Variants in EFNA5 observed in about 807,000 individuals in gnomAD.
EFNA5 encodes ephrin A5, also known as ephrin-A5.
EFNA5 carries 5 observed loss-of-function variants against 22.9 expected under a neutral mutation model. That is an observed-to-expected ratio of 0.22 (90% CI 0.11 to 0.46). EFNA5 has a LOEUF of 0.46. EFNA5 is among the 20% of genes least tolerant of loss of function. The pLI is 0.99. For synonymous variants in EFNA5, 113 were observed against 112.2 expected, an observed-to-expected ratio of 1.01 and a Z score of -0.04; for missense variants, 237 against 293.3, an observed-to-expected ratio of 0.81 and a Z score of 1.40.
chr5:107,643,233 T>TG (rs1392181164), intron 1 of EFNA5, among the ~76,000 whole-genome samples: 1 of 151,992 alleles, frequency 6.6e-6, no homozygotes, highest in Non-Finnish European at 1.5e-5. Flanking sequence ...TGTGCAGGGG[T>TG]GGGGGTCCCA....
chr5:107,564,581 T>C (rs1020442110), intron 1 of EFNA5, among the ~76,000 whole-genome samples: 7 of 151,828 alleles, frequency 4.6e-5, no homozygotes, highest in Non-Finnish European at 1.0e-4. Context: ...GAAGAAGAAA[T>C]GGCTGAAACC....
chr5:107,582,325 C>T (rs1749088642), intron 1 of EFNA5, among the ~76,000 whole-genome samples: 2 of 152,100 alleles, frequency 1.3e-5, no homozygotes, highest in Admixed American at 1.3e-4. Context: ...ATGAATTGTT[C>T]CACATATCTA....
chr5:107,454,026 T>G (rs1451836018), intron 1 of EFNA5, among the ~76,000 whole-genome samples: 1 of 152,084 alleles, frequency 6.6e-6, no homozygotes, highest in Non-Finnish European at 1.5e-5. Flanking sequence ...AACCCACTCT[T>G]AAAACATTAA....
chr5:107,440,752 T>G (rs1258366882), intron 1 of EFNA5, among the ~76,000 whole-genome samples: 3 of 152,130 alleles, frequency 2.0e-5, no homozygotes, highest in Non-Finnish European at 4.4e-5. Context: ...GGTCACAAAC[T>G]CAGTGTTGAT....
At chr5:107,494,787 G>A (rs1580493477) in intron 1 of EFNA5, among the ~76,000 whole-genome samples, 1 of 151,532 alleles carries the variant, frequency 6.6e-6, no homozygotes, top group African/African-American at 2.4e-5. Context: ...CTCAGGAATT[G>A]TAAATACACC....
chr5:107,450,354 A>G (rs550962872), intron 1 of EFNA5, among the ~76,000 whole-genome samples: 7 of 152,156 alleles, frequency 4.6e-5, no homozygotes, highest in Non-Finnish European at 1.0e-4. Flanking sequence ...CCTCATTGTG[A>G]CAAGATTTAA....
At chr5:107,541,396 G>A (rs1233327524) in intron 1 of EFNA5, among the ~76,000 whole-genome samples, 1 of 152,102 alleles carries the variant, frequency 6.6e-6, no homozygotes, top group Non-Finnish European at 1.5e-5. Context: ...TGTTACACAT[G>A]ATAAATGTTA....
chr5:107,660,846 C>G (rs753448909), intron 1 of EFNA5, among the ~76,000 whole-genome samples: 4 of 152,022 alleles, frequency 2.6e-5, no homozygotes, highest in South Asian at 2.1e-4. Context: ...GACACAAAAC[C>G]CTGTCAGAAG....
At chr5:107,590,074 A>G (rs1434699118) in intron 1 of EFNA5, among the ~76,000 whole-genome samples, 2 of 144,296 alleles carry the variant, frequency 1.4e-5, no homozygotes, top group Admixed American at 6.9e-5. Flanking sequence ...TGATTTGGAT[A>G]GACAAATCAT....
At chr5:107,409,355 G>A (rs924816994) in intron 2 of EFNA5, among the ~76,000 whole-genome samples, 1 of 152,294 alleles carries the variant, frequency 6.6e-6, no homozygotes, top group South Asian at 2.1e-4. Flanking sequence ...CAAACATTAA[G>A]CCTGTGAGAG....
intron 1 of EFNA5, among the ~76,000 whole-genome samples, chr5:107,470,120 TCA>T (rs993366579): frequency 3.8e-4 from 58 of 152,282 alleles, no homozygotes; most frequent in African/African-American, 1.4e-3. Context: ...GCTCTGAAAC[TCA>T]CATACACACC....
chr5:107,402,944 C>T (rs756448171), intron 2 of EFNA5, among the ~76,000 whole-genome samples: 3 of 152,178 alleles, frequency 2.0e-5, no homozygotes, highest in African/African-American at 4.8e-5. Context: ...GATACGTAGG[C>T]TACTGCAAAT....
chr5:107,577,659 A>T (rs969254986), intron 1 of EFNA5, among the ~76,000 whole-genome samples: 1 of 152,166 alleles, frequency 6.6e-6, no homozygotes, highest in Non-Finnish European at 1.5e-5. Context: ...AAAGGGTCTT[A>T]TTGTAAACTC....
At chr5:107,423,112 T>C (rs1748714846) in intron 2 of EFNA5, among the ~76,000 whole-genome samples, 2 of 152,192 alleles carry the variant, frequency 1.3e-5, no homozygotes, top group East Asian at 1.9e-4. Flanking sequence ...AAGTCAATTA[T>C]AATTACATTA....
chr5:107,537,492 G>A (rs1747953066), intron 1 of EFNA5, among the ~76,000 whole-genome samples: 1 of 152,142 alleles, frequency 6.6e-6, no homozygotes. Flanking sequence ...CCAGCTACTT[G>A]GGAAGCTGAG....
chr5:107,390,940 C>T (rs987166480), intron 2 of EFNA5, among the ~76,000 whole-genome samples: 4 of 152,162 alleles, frequency 2.6e-5, no homozygotes, highest in Non-Finnish European at 5.9e-5. Flanking sequence ...GGATGGATCA[C>T]TTAAGGCCAG....
chr5:107,578,326 A>G (rs641406), intron 1 of EFNA5, among the ~76,000 whole-genome samples: 71,043 of 151,966 alleles, frequency 0.47, 17,564 homozygotes, highest in African/African-American at 0.58. Flanking sequence ...GTAACTACAA[A>G]TTTCATTTTG....
intron 1 of EFNA5, among the ~76,000 whole-genome samples, chr5:107,486,482 T>C (rs1746625342): frequency 6.6e-6 from 1 of 152,234 alleles, no homozygotes; most frequent in Non-Finnish European, 1.5e-5. Context: ...GGGTAACTTA[T>C]GGAAATCCTG....
At position 107,379,158 on chromosome 5, in the gene EFNA5, G is replaced by A. The variant is rs1561360091; in HGVS notation, c.*2097C>T. ...GAGTTCCTTATGTCAGAGGGGAATA[G>A]GATTGATTGTATCTGTGAGGCTGGC... On this transcript the variant is annotated 3_prime_UTR_variant, in exon 5 of 5. Coordinates refer to ENST00000333274, the MANE Select transcript of EFNA5 (RefSeq NM_001962.3). 1.3e-5 allele frequency: 2 copies of A among 152,136 alleles called. No individual in the cohort carries two copies. The highest frequency in any genetic ancestry group is 2.1e-4 in the South Asian group (1 of 4,830). 9.4% of individuals were successfully genotyped at this position (152,136 alleles called of 1,614,324 possible).
Sources: allele counts gnomAD v4.1 joint callset (sites outside exome capture counted in the v4.1 genomes callset), GRCh38; gene constraint gnomAD v4.1.1; transcripts MANE v1.5; gene names NCBI Gene and HGNC (gene_info 2026-07-23, HGNC 2026-07-21).